Variants in WWC1 observed in about 807,000 individuals in gnomAD.
WWC1 encodes the protein WW and C2 domain containing 1.
In WWC1, 55 loss-of-function variants were observed where a neutral mutation model predicts 138.4. The observed-to-expected ratio is 0.40, with a 90% CI of 0.32 to 0.50. The LOEUF is 0.50. WWC1 is among the 20% of genes least tolerant of loss of function. The pLI, the probability that WWC1 is intolerant of heterozygous loss-of-function variation, is 0.72. For missense variants in WWC1, 1,226 were observed against 1,420.4 expected, an observed-to-expected ratio of 0.86 and a Z score of 2.20; for synonymous variants, 524 against 564.9, an observed-to-expected ratio of 0.93 and a Z score of 1.03.
At chr5:168,403,042 C>CTTTCTT (rs1561712207) in intron 5 of WWC1, among the ~76,000 whole-genome samples, 18 of 129,232 alleles carry the variant, frequency 1.4e-4, no homozygotes, top group African/African-American at 5.8e-4. Flanking sequence ...TTCTTTCTTT[C>CTTTCTT]TTTCTTTCTT....
chr5:168,292,224 CAT>C lies in WWC1; in HGVS notation c.74_75del (p.Ile25ArgfsTer24). 1 of 1,589,694 alleles carries C rather than the reference CAT, an allele frequency of 6.3e-7. No individual in the cohort carries two copies. Among genetic ancestry groups the C allele is most frequent in the Non-Finnish European group, 8.6e-7 (1 of 1,168,502 alleles). ...ARDFDGKVYYIDHTNRTTSWI... is the reference protein window; with the variant it reads ...ARDFDGKVYYXDHTNRTTSWI... ...GCGACTTCGACGGCAAGGTCTACTACATAGACCACACGAACCGCACCACCAGC... is the reference window on the plus strand; with the variant it reads ...GCGACTTCGACGGCAAGGTCTACTACAGACCACACGAACCGCACCACCAGC... On this transcript the variant is annotated frameshift_variant, in exon 1 of 23. Transcript: ENST00000265293. LOFTEE classifies it high-confidence loss of function. The surrounding 1 kb of genome is among the most constrained non-coding windows in gnomAD (Gnocchi z 4.4).
At chr5:168,379,887 T>C (rs1338755025) in intron 2 of WWC1, among the ~76,000 whole-genome samples, 1 of 152,106 alleles carries the variant, frequency 6.6e-6, no homozygotes, top group Non-Finnish European at 1.5e-5. Context: ...ACATAAAAGC[T>C]AAAATTATAA....
At chr5:168,371,296 C>A (rs1776734030) in intron 1 of WWC1, 128 bp from the exon 2 acceptor site, 1 of 636,598 alleles carries the variant, frequency 1.6e-6, no homozygotes. Flanking sequence ...AGAGCTGGTG[C>A]TGCTGTGGTG....
At chr5:168,337,130 A>T (rs550689186) in intron 1 of WWC1, among the ~76,000 whole-genome samples, 2 of 152,036 alleles carry the variant, frequency 1.3e-5, no homozygotes, top group African/African-American at 4.8e-5. Flanking sequence ...CGGCCCAGCC[A>T]TCTACACCAA....
At chr5:168,370,677 T>C (rs995994727) in intron 1 of WWC1, among the ~76,000 whole-genome samples, 1 of 152,226 alleles carries the variant, frequency 6.6e-6, no homozygotes, top group Non-Finnish European at 1.5e-5. Context: ...TTGTTTGTGA[T>C]AGTTTTCTAG....
intron 5 of WWC1, among the ~76,000 whole-genome samples, chr5:168,401,023 G>A (rs1779268882): frequency 6.6e-6 from 1 of 150,548 alleles, no homozygotes. Context: ...AAGGAGAGAG[G>A]AAGAAAGAGA....
chr5:168,457,731 C>T (rs113021411), intron 19 of WWC1, among the ~76,000 whole-genome samples: 17 of 152,344 alleles, frequency 1.1e-4, no homozygotes, highest in South Asian at 2.1e-4. Context: ...TGGCCCCCAC[C>T]GGCCCCGTTG....
chr5:168,361,569 A>G (rs2152800249), intron 1 of WWC1, among the ~76,000 whole-genome samples: 1 of 152,226 alleles, frequency 6.6e-6, no homozygotes, highest in Non-Finnish European at 1.5e-5. Flanking sequence ...TTGAATTTCA[A>G]ATGGAGCCAA....
chr5:168,449,302 T>G (rs569175437), intron 17 of WWC1, among the ~76,000 whole-genome samples: 153 of 152,324 alleles, frequency 1.0e-3, no homozygotes, highest in African/African-American at 3.5e-3. Context: ...AAGAAGAGAC[T>G]CCCGTAATGG....
At chr5:168,429,195 G>A (rs1484607001) in intron 13 of WWC1, among the ~76,000 whole-genome samples, 1 of 151,768 alleles carries the variant, frequency 6.6e-6, no homozygotes, top group Non-Finnish European at 1.5e-5. Flanking sequence ...AGCCCAGATT[G>A]GGTCAATACA....
At chr5:168,337,746 A>G (rs1773619274) in intron 1 of WWC1, among the ~76,000 whole-genome samples, 1 of 152,256 alleles carries the variant, frequency 6.6e-6, no homozygotes, top group Admixed American at 6.5e-5. Flanking sequence ...TGTAAGTTCC[A>G]TGAAGGAAAT....
chr5:168,402,831 T>G (rs1779406843), intron 5 of WWC1, among the ~76,000 whole-genome samples: 1 of 152,078 alleles, frequency 6.6e-6, no homozygotes, highest in African/African-American at 2.4e-5. Context: ...TAAGGCCCCT[T>G]TTTCAGAGTC....
chr5:168,414,025 A>G (rs1780407758), intron 8 of WWC1: 2 of 300,952 alleles, frequency 6.6e-6, no homozygotes, highest in Non-Finnish European at 1.2e-5. Context: ...AGAGATGAGC[A>G]ACTTGCCCAA....
chr5:168,396,825 G>A (rs1778936828), intron 3 of WWC1, among the ~76,000 whole-genome samples: 1 of 152,158 alleles, frequency 6.6e-6, no homozygotes, highest in African/African-American at 2.4e-5. Flanking sequence ...ACAACTACGT[G>A]ATAGAACCGT....
Position 168,471,017 on chromosome 5 carries a change from T to C in WWC1, c.*2000T>C, listed in dbSNP as rs1404422485. The C allele has an allele frequency of 6.6e-6, 1 of 152,026 alleles. No homozygotes were observed. The highest frequency in any genetic ancestry group is 2.4e-5 in the African/African-American group (1 of 41,344). 9.4% of individuals were successfully genotyped at this position (152,026 alleles called of 1,614,324 possible). Reference sequence around the variant, plus strand: ...GAAACCCAGGCAGAGACAGGCAAAATGGTGAGGCCCGCATCCTATTGGTGA... The same window carrying C: ...GAAACCCAGGCAGAGACAGGCAAAACGGTGAGGCCCGCATCCTATTGGTGA... On this transcript the variant is annotated 3_prime_UTR_variant, in exon 23 of 23. Coordinates refer to ENST00000265293, the MANE Select transcript of WWC1 (RefSeq NM_015238.3).
chr5:168,390,754 CG>C (rs536954519), intron 3 of WWC1, among the ~76,000 whole-genome samples: 191 of 152,354 alleles, frequency 1.3e-3, no homozygotes, highest in Non-Finnish European at 2.4e-3. Flanking sequence ...CAGACACAGA[CG>C]GGGCCCTGCC....
At chr5:168,365,989 G>A (rs867432187) in intron 1 of WWC1, among the ~76,000 whole-genome samples, 3 of 152,214 alleles carry the variant, frequency 2.0e-5, no homozygotes, top group Admixed American at 6.5e-5. Flanking sequence ...GAGGGTGGGG[G>A]CTGGGAGTTC....
chr5:168,462,245 G>A (rs199936797), intron 20 of WWC1, among the ~76,000 whole-genome samples: 1 of 114,480 alleles, frequency 8.7e-6, no homozygotes, highest in Admixed American at 9.0e-5. Flanking sequence ...CTGGAGAGAG[G>A]AGAGAGACAG....
chr5:168,368,508 C>G (rs779050483), intron 1 of WWC1, among the ~76,000 whole-genome samples: 19 of 152,182 alleles, frequency 1.2e-4, no homozygotes, highest in Admixed American at 2.6e-4. Context: ...ATATAAGATT[C>G]ATACCTCTTC....
Sources: gnomAD v4.1 joint callset for allele counts (sites outside exome capture counted in the v4.1 genomes callset) on GRCh38, gnomAD v4.1.1 for gene constraint, Gnocchi (gnomAD v3.1) non-coding constraint, MANE v1.5 for transcripts, NCBI Gene and HGNC (gene_info 2026-07-23, HGNC 2026-07-21) for gene names.